The following CLCN5 variants were observed in gnomAD, a reference collection of about 807,000 sequenced individuals.
CLCN5 encodes H(+)/Cl(-) exchange transporter 5.
Under a neutral mutation model 54.0 loss-of-function variants are expected in CLCN5, and 17 were observed. The observed-to-expected ratio is 0.31, with a 90% CI of 0.22 to 0.47. The LOEUF (loss-of-function observed/expected upper bound fraction) is 0.47, where lower values mean the gene tolerates loss of function less well. Ranked by LOEUF, CLCN5 falls within the 20% of genes least tolerant of loss-of-function variation. The probability of loss-of-function intolerance (pLI) is 1.00; values close to 1 mark genes in which losing one functional copy is unlikely to be tolerated. For synonymous variants in CLCN5, 222 were observed against 233.0 expected (o/e 0.95, Z 0.43); for missense variants, 448 against 646.7 (o/e 0.69, Z 3.33).
At position 49,961,287 on chromosome X, in the gene CLCN5, A is replaced by AGAT. The variant is rs201741840; in HGVS notation, c.16+35989_16+35991dup. Among the ~76,000 whole-genome samples the AGAT allele has an allele frequency of 5.4e-5, 6 of 112,044 alleles. No homozygotes were observed. In the South Asian group the frequency reaches 1.5e-3, roughly 28 times the overall value. ...AAGTGCTACCTTTTTATTACAGATG[A>AGAT]GATGATGATGATGATGATAGTGGCC... On this transcript the variant is annotated intron_variant, in intron 3 of 14. Transcript: ENST00000376091.
chrX:49,948,477 A>G (rs1393459029), intron 3 of CLCN5, among the ~76,000 whole-genome samples: 1 of 110,870 alleles, frequency 9.0e-6, no homozygotes, highest in African/African-American at 3.3e-5. Context: ...TGGTTCTTTC[A>G]TGTCTTATAT....
At chrX:49,960,555 A>T (rs1927549269) in intron 3 of CLCN5, among the ~76,000 whole-genome samples, 1 of 108,828 alleles carries the variant, frequency 9.2e-6, no homozygotes, top group Non-Finnish European at 1.9e-5. Context: ...GAGCTGGAGA[A>T]AAGAGAGAGC....
chrX:50,076,303 C>G (rs1465087546), intron 7 of CLCN5, among the ~76,000 whole-genome samples: 1 of 111,995 alleles, frequency 8.9e-6, no homozygotes, highest in East Asian at 2.8e-4. Flanking sequence ...CAGAGGCAGC[C>G]AACAGGTGAG....
intron 3 of CLCN5, among the ~76,000 whole-genome samples, chrX:50,014,129 T>C (rs1227772014): frequency 7.2e-5 from 8 of 111,515 alleles, no homozygotes; most frequent in African/African-American, 2.6e-4. Context: ...GGTGTGCACA[T>C]CCTGAGCCTG....
At chrX:49,925,030 T>TTGC (rs2147245312) in intron 2 of CLCN5, 141 bp from the exon 3 acceptor site, 1 of 408,903 alleles carries the variant, frequency 2.4e-6, no homozygotes, top group East Asian at 4.1e-5. Flanking sequence ...CAGAGATACC[T>TTGC]TGCTGCTTAG....
At chrX:50,045,800 T>C (rs1932372151) in intron 4 of CLCN5, among the ~76,000 whole-genome samples, 1 of 112,451 alleles carries the variant, frequency 8.9e-6, no homozygotes, top group Non-Finnish European at 1.9e-5. Context: ...TGTAGTGATA[T>C]AACTTTCTTG....
In CLCN5 at chrX:49,993,561, A is replaced by T. The variant is rs1929368360; in HGVS notation, c.17-48755A>T. ...AATGGTAATCATCATATAATCCAAA[A>T]GCATTTCTTGAGCAACTATTGTGTA... On this transcript the variant is annotated intron_variant, in intron 3 of 14. Coordinates refer to ENST00000376091, the MANE Select transcript of CLCN5 (RefSeq NM_001127898.4). 2.7e-5 allele frequency among the ~76,000 whole-genome samples: 3 copies of T among 112,372 alleles called. No homozygotes were observed. In the South Asian group the frequency reaches 1.1e-3, roughly 42 times the overall value.
chrX:50,031,063 G>C (rs1472619406), intron 3 of CLCN5, among the ~76,000 whole-genome samples: 3 of 111,720 alleles, frequency 2.7e-5, no homozygotes, highest in East Asian at 2.8e-4. Context: ...CTGTATAACA[G>C]GGTATTTCTT....
chrX:49,933,214 C>T (rs1465935118), intron 3 of CLCN5, among the ~76,000 whole-genome samples: 1 of 110,854 alleles, frequency 9.0e-6, no homozygotes, highest in East Asian at 2.8e-4. Context: ...ACTCAAGAAG[C>T]GAATTCTTTG....
Position 50,075,777 on chromosome X carries a change from T to C in CLCN5, c.416-18T>C, listed in dbSNP as rs370150325. Reference sequence around the variant, plus strand: ...ATTCAGTTTAACTTTGGCCTTTCCCTCCCTCCCCACAAATCAGGTTCGTTA... The same window carrying C: ...ATTCAGTTTAACTTTGGCCTTTCCCCCCCTCCCCACAAATCAGGTTCGTTA... On this transcript the variant is annotated intron_variant, in intron 6 of 14. Coordinates refer to ENST00000376091, the MANE Select transcript of CLCN5 (RefSeq NM_001127898.4). 2.5e-6 allele frequency: 3 copies of C among 1,204,242 alleles called. No individual in the cohort carries two copies. The African/African-American group carries it at 5.3e-5, about 21-fold the overall frequency.
intron 3 of CLCN5, among the ~76,000 whole-genome samples, chrX:49,949,861 A>C (rs1926949178): frequency 8.9e-6 from 1 of 111,789 alleles, no homozygotes; most frequent in African/African-American, 3.3e-5. Context: ...CTTCTGTATA[A>C]CATCTTTTCT....
At chrX:50,007,397 T>TTCTCTCTC (rs781888075) in intron 3 of CLCN5, among the ~76,000 whole-genome samples, 723 of 64,393 alleles carry the variant, frequency 0.011, 16 homozygotes, top group Middle Eastern at 0.026. Context: ...CTCTCTCTCT[T>TTCTCTCTC]TCTCTCTCTC....
intron 4 of CLCN5, among the ~76,000 whole-genome samples, chrX:50,057,808 A>T (rs1253460638): frequency 9.1e-6 from 1 of 109,724 alleles, no homozygotes; most frequent in Non-Finnish European, 1.9e-5. Flanking sequence ...CTAGATAGAA[A>T]GTTCCTACAA....
At chrX:49,986,074 T>A (rs1557178243) in intron 3 of CLCN5, among the ~76,000 whole-genome samples, 1 of 111,916 alleles carries the variant, frequency 8.9e-6, no homozygotes, top group Non-Finnish European at 1.9e-5. Context: ...CACTTTCTTT[T>A]ATTTGTAATA....
At chrX:49,982,981 T>C (rs1379167229) in intron 3 of CLCN5, among the ~76,000 whole-genome samples, 1 of 112,160 alleles carries the variant, frequency 8.9e-6, no homozygotes, top group Non-Finnish European at 1.9e-5. Flanking sequence ...CCCAGCATTA[T>C]TGTGGTATAA....
rs782122250 is a variant in CLCN5, at chrX:50,005,760, C to T, written c.17-36556C>T. Among the ~76,000 whole-genome samples the T allele has an allele frequency of 1.8e-3, 197 of 111,296 alleles. 1 individual carries two copies. Among genetic ancestry groups the T allele is most frequent in the African/African-American group, 6.2e-3 (189 of 30,614 alleles). On this transcript the variant is annotated intron_variant, in intron 3 of 14. Transcript: ENST00000376091. Reference sequence around the variant, plus strand: ...CTCCGTAGTTATCTGATAGCTTCTCCGCTTTCAGAGATGAAAAAAATGTAC... The same window carrying T: ...CTCCGTAGTTATCTGATAGCTTCTCTGCTTTCAGAGATGAAAAAAATGTAC...
At chrX:49,993,551 A>G (rs782038826) in intron 3 of CLCN5, among the ~76,000 whole-genome samples, 1 of 112,393 alleles carries the variant, frequency 8.9e-6, no homozygotes, top group East Asian at 2.8e-4. Context: ...TAATCATCAT[A>G]TAATCCAAAA....
In CLCN5 at chrX:50,096,688, C is replaced by CAT. The variant is rs1557195667; in HGVS notation, c.*4471_*4472dup. The CAT allele has an allele frequency of 8.9e-6, 1 of 112,496 alleles. No homozygotes were observed. The highest frequency in any genetic ancestry group is 3.3e-5 in the African/African-American group (1 of 30,612). The allele number at this position is 112,496 out of a possible 1,213,427, so 9.3% of individuals were successfully genotyped here. A position where few individuals can be genotyped will look rare whatever the true frequency, so the allele number is the denominator to read the frequency against. ...TGGAGAAGAAACTAAAAGTTATGGCCATAGAAAAAGCCCTGGTAAGAAAAT... is the reference window on the plus strand; with the variant it reads ...TGGAGAAGAAACTAAAAGTTATGGCCATATAGAAAAAGCCCTGGTAAGAAAAT... On this transcript the variant is annotated 3_prime_UTR_variant, in exon 15 of 15. Transcript: ENST00000376091.
intron 3 of CLCN5, among the ~76,000 whole-genome samples, chrX:49,952,778 A>G (rs1410697472): frequency 8.9e-6 from 1 of 112,426 alleles, no homozygotes; most frequent in African/African-American, 3.2e-5. Context: ...CCAGTTTTAA[A>G]AATTAGAAAA....
Sources: allele counts gnomAD v4.1 joint callset (sites outside exome capture counted in the v4.1 genomes callset), GRCh38; gene constraint gnomAD v4.1.1; transcripts MANE v1.5; gene names NCBI Gene and HGNC (gene_info 2026-07-23, HGNC 2026-07-21).